TASOR2: variants seen among roughly 807,000 people sequenced by gnomAD.
TASOR2 encodes protein TASOR 2.
TASOR2 carries 84 observed loss-of-function variants against 199.5 expected under a neutral mutation model. The observed-to-expected ratio is 0.42, with a 90% CI of 0.35 to 0.50. The LOEUF is 0.50. Ranked by LOEUF, TASOR2 falls within the 20% of genes least tolerant of loss-of-function variation. The probability of loss-of-function intolerance (pLI) is 0.02; values close to 1 mark genes in which losing one functional copy is unlikely to be tolerated. For synonymous variants in TASOR2, 1,103 were observed against 1,046.6 expected, an observed-to-expected ratio of 1.05 and a Z score of -1.04; for missense variants, 2,796 against 2,835.9, an observed-to-expected ratio of 0.99 and a Z score of 0.32.
At chr10:5,705,557 T>C (rs571996182) in intron 1 of TASOR2, among the ~76,000 whole-genome samples, 1 of 152,330 alleles carries the variant, frequency 6.6e-6, no homozygotes, top group South Asian at 2.1e-4. Flanking sequence ...GATGTTATTT[T>C]TTAAATTGGC....
chr10:5,707,824 T>C (rs919605607), intron 1 of TASOR2, among the ~76,000 whole-genome samples: 1 of 151,798 alleles, frequency 6.6e-6, no homozygotes, highest in African/African-American at 2.4e-5. Context: ...ATTGTGGTTT[T>C]ATGGAAGGGA....
In TASOR2 at chr10:5,694,688, T is replaced by TA. The variant is rs575384261; in HGVS notation, c.-288+9519dup. ...TAATTTGTTTTTGGATTAAGTATGG[T>TA]AAAAAATAGCATGCATAAATGAAGA... On this transcript the variant is annotated intron_variant, in intron 1 of 20. Coordinates refer to ENST00000328090, the Ensembl canonical transcript of TASOR2. 8.1e-4 allele frequency among the ~76,000 whole-genome samples: 124 copies of TA among 152,314 alleles called. 1 individual carries two copies. The South Asian group carries it at 0.01, about 12-fold the overall frequency.
Position 5,704,287 on chromosome 10 carries a change from C to G in TASOR2, c.-287-8536C>G, listed in dbSNP as rs1014016692. On this transcript the variant is annotated intron_variant, in intron 1 of 20. Transcript: ENST00000328090. Reference sequence around the variant, plus strand: ...ATGTTTATGTGGGAAAACTTCTGGGCTTGAGACTTACATACCTATAACAAC... The same window carrying G: ...ATGTTTATGTGGGAAAACTTCTGGGGTTGAGACTTACATACCTATAACAAC... Among the ~76,000 whole-genome samples the G allele has an allele frequency of 2.6e-5, 4 of 151,304 alleles. No individual in the cohort carries two copies. The East Asian group carries it at 7.7e-4, about 29-fold the overall frequency.
Position 5,762,526 on chromosome 10 carries a change from T to TTTTTTAAAA in TASOR2, c.7175-6_7175-5insTTTTTAAAA. 8.6e-6 allele frequency: 6 copies of TTTTTTAAAA among 699,658 alleles called. No homozygotes were observed. Among genetic ancestry groups the TTTTTTAAAA allele is most frequent in the Non-Finnish European group, 6.7e-6 (3 of 449,622 alleles). 43.3% of individuals were successfully genotyped at this position (699,658 alleles called of 1,614,324 possible). A position where few individuals can be genotyped will look rare whatever the true frequency, so the allele number is the denominator to read the frequency against. ...ACCAAAAGTTGTTTTTTTTTTTTTT[T>TTTTTTAAAA]AACAGACAAGCCTACTATCCCCAGA... On this transcript the variant is annotated splice_region_variant and splice_polypyrimidine_tract_variant and intron_variant, in intron 19 of 20. Coordinates refer to ENST00000328090, the Ensembl canonical transcript of TASOR2.
Position 5,737,684 on chromosome 10 carries a change from T to C in TASOR2, c.1448-1934T>C, listed in dbSNP as rs1044392219. Among the ~76,000 whole-genome samples the C allele has an allele frequency of 1.3e-5, 2 of 152,238 alleles. No homozygotes were observed. The highest frequency in any genetic ancestry group is 4.8e-5 in the African/African-American group (2 of 41,468). On this transcript the variant is annotated intron_variant, in intron 12 of 20. Coordinates refer to ENST00000328090, the Ensembl canonical transcript of TASOR2. The surrounding 1 kb of genome is among the most constrained non-coding windows in gnomAD (Gnocchi z 4.9). ...ATAATTTAATTCATACTGTTTTCAA[T>C]TCATCTGACATGTCTTGGTCCAATC... is the stretch of plus-strand genomic sequence containing the variant.
chr10:5,730,641 C>T lies in TASOR2; in HGVS notation c.642C>T (p.Tyr214=). ...TAAAGCGTCATTTCCAAGAATTGTA[C>T]AAGGCGGACAGAAGCCCTTCATTGA... The change falls in exon 11 of 21, where the codon TAC becomes TAT. Residue 214 remains tyrosine (Y), a synonymous_variant. Coordinates refer to ENST00000328090, the Ensembl canonical transcript of TASOR2. This position sits in a 1 kb window ranked among gnomAD's most constrained non-coding sequence, Gnocchi z 4.1. 1 of 1,614,122 alleles carries T rather than the reference C, an allele frequency of 6.2e-7. No homozygotes were observed. The highest frequency in any genetic ancestry group is 8.5e-7 in the Non-Finnish European group (1 of 1,180,012).
At chr10:5,686,770 C>CAAAAG (rs1835860695) in intron 1 of TASOR2, among the ~76,000 whole-genome samples, 2 of 152,166 alleles carry the variant, frequency 1.3e-5, no homozygotes, top group Admixed American at 6.5e-5. Flanking sequence ...AAAGTTAAAT[C>CAAAAG]TTTTTAGGCA....
intron 15 of TASOR2, among the ~76,000 whole-genome samples, chr10:5,756,154 T>C (rs560042565): frequency 2.0e-5 from 3 of 152,216 alleles, no homozygotes; most frequent in Non-Finnish European, 4.4e-5. Flanking sequence ...GCATGCTGTT[T>C]CAACTGCATC....
At position 5,737,191 on chromosome 10, in the gene TASOR2, C is replaced by A. The variant is rs1007799801; in HGVS notation, c.1447+1645C>A. Among the ~76,000 whole-genome samples the A allele has an allele frequency of 1.3e-5, 2 of 152,080 alleles. No individual in the cohort carries two copies. The highest frequency in any genetic ancestry group is 4.8e-5 in the African/African-American group (2 of 41,402). ...GCCAGGATAGTCTCAACTTCTTGAC[C>A]TCTTGACCTCATGCTCTGCCTGCCT... On this transcript the variant is annotated intron_variant, in intron 12 of 20. Coordinates refer to ENST00000328090, the Ensembl canonical transcript of TASOR2. The surrounding 1 kb of genome is among the most constrained non-coding windows in gnomAD (Gnocchi z 4.9).
Position 5,720,122 on chromosome 10 carries a change from TA to T in TASOR2, c.-99-420del. 1 of 333,008 alleles carries T rather than the reference TA, an allele frequency of 3.0e-6. No individual in the cohort carries two copies. The highest frequency in any genetic ancestry group is 4.3e-6 in the Non-Finnish European group (1 of 233,798). 20.6% of individuals were successfully genotyped at this position (333,008 alleles called of 1,614,324 possible). On this transcript the variant is annotated intron_variant, in intron 3 of 20. Transcript: ENST00000328090. This position sits in a 1 kb window ranked among gnomAD's most constrained non-coding sequence, Gnocchi z 5.3. Reference sequence around the variant, plus strand: ...TTTGGCCTTAAGATAATTGTTTTTCTAAGAAGTATAGTTCTTAATACAGTTA... The same window carrying T: ...TTTGGCCTTAAGATAATTGTTTTTCTAGAAGTATAGTTCTTAATACAGTTA...
intron 9 of TASOR2, 46 bp from the exon 11 acceptor site, chr10:5,727,015 A>G (rs1224376833): frequency 3.7e-6 from 6 of 1,613,668 alleles, no homozygotes; most frequent in Non-Finnish European, 5.1e-6. Context: ...TTGCTTTATA[A>G]GATCAACAAC....
intron 19 of TASOR2, 112 bp from the exon 21 acceptor site, chr10:5,762,420 A>ACC: frequency 2.4e-6 from 1 of 421,904 alleles, no homozygotes; most frequent in African/African-American, 2.1e-5. Context: ...TTCTCCCCCT[A>ACC]CCCCTCACAC....
At chr10:5,756,668 C>T in exon 16 of TASOR2, 1 of 1,613,592 alleles carries the variant, frequency 6.2e-7, no homozygotes, top group Non-Finnish European at 8.5e-7. Flanking sequence ...TTCTGTCAAG[C>T]TTTCCACAGA....
chr10:5,696,188 C>G (rs887003769), intron 1 of TASOR2, among the ~76,000 whole-genome samples: 5 of 152,126 alleles, frequency 3.3e-5, no homozygotes, highest in African/African-American at 9.7e-5. Context: ...TGCCCCTCAA[C>G]AAAACATTAA....
rs1835771425 is a variant in TASOR2, at chr10:5,737,410, G to T, written c.1447+1864G>T. ...CAAAAACCCATATGCTGCAGTTTTGGCTTCCATACCAGATTTGAGCTCTTC... is the reference window on the plus strand; with the variant it reads ...CAAAAACCCATATGCTGCAGTTTTGTCTTCCATACCAGATTTGAGCTCTTC... On this transcript the variant is annotated intron_variant, in intron 12 of 20. Coordinates refer to ENST00000328090, the Ensembl canonical transcript of TASOR2. This position sits in a 1 kb window ranked among gnomAD's most constrained non-coding sequence, Gnocchi z 4.9. Among the ~76,000 whole-genome samples, 1 of 150,778 alleles carries T rather than the reference G, an allele frequency of 6.6e-6. No homozygotes were observed. The highest frequency in any genetic ancestry group is 2.0e-4 in the East Asian group (1 of 5,112).
At chr10:5,695,377 T>A (rs1837025332) in intron 1 of TASOR2, among the ~76,000 whole-genome samples, 1 of 152,254 alleles carries the variant, frequency 6.6e-6, no homozygotes, top group Admixed American at 6.5e-5. Context: ...TTGTGCTTTT[T>A]ATGCATTTGA....
chr10:5,741,823 G>A (rs902602944), intron 13 of TASOR2, among the ~76,000 whole-genome samples: 2 of 152,178 alleles, frequency 1.3e-5, no homozygotes, highest in Non-Finnish European at 2.9e-5. Flanking sequence ...TGCTACCCAT[G>A]TTCAGATCAT....
chr10:5,728,995 TTCTCACA>T lies in TASOR2; in HGVS notation c.488-1490_488-1484del, dbSNP rs1298167134. Among the ~76,000 whole-genome samples, 16 of 152,344 alleles carry T rather than the reference TTCTCACA, an allele frequency of 1.1e-4. No homozygotes were observed. The East Asian group carries it at 3.1e-3, about 29-fold the overall frequency. Reference sequence around the variant, plus strand: ...ATTTTAACAAAGCGCAAGTTTAAAATTCTCACATAAATATGATATGAACTTGCTAACT... The same window carrying T: ...ATTTTAACAAAGCGCAAGTTTAAAATTAAATATGATATGAACTTGCTAACT... On this transcript the variant is annotated intron_variant, in intron 10 of 20. Transcript: ENST00000328090.
At position 5,730,119 on chromosome 10, in the gene TASOR2, T is replaced by A. The variant is rs1766588196; in HGVS notation, c.488-368T>A. Among the ~76,000 whole-genome samples, 2 of 152,170 alleles carry A rather than the reference T, an allele frequency of 1.3e-5. No homozygotes were observed. Among genetic ancestry groups the A allele is most frequent in the South Asian group, 4.1e-4 (2 of 4,830 alleles). Reference sequence around the variant, plus strand: ...AATTTTAAAACAAAATAAGAAAAAGTACGAAAGCAAATCTGCCAGCTCTAA... The same window carrying A: ...AATTTTAAAACAAAATAAGAAAAAGAACGAAAGCAAATCTGCCAGCTCTAA... On this transcript the variant is annotated intron_variant, in intron 10 of 20. Coordinates refer to ENST00000328090, the Ensembl canonical transcript of TASOR2. The surrounding 1 kb of genome is among the most constrained non-coding windows in gnomAD (Gnocchi z 4.1).
Sources: gnomAD v4.1 joint callset for allele counts (sites outside exome capture counted in the v4.1 genomes callset) on GRCh38, gnomAD v4.1.1 for gene constraint, Gnocchi (gnomAD v3.1) non-coding constraint, MANE v1.5 for transcripts, NCBI Gene and HGNC (gene_info 2026-07-23, HGNC 2026-07-21) for gene names.